The following CMYA5 variants were observed in gnomAD, a reference collection of about 807,000 sequenced individuals.
CMYA5 encodes the protein cardiomyopathy associated 5, also known as cardiomyopathy-associated protein 5.
Under a neutral mutation model 318.9 loss-of-function variants are expected in CMYA5, and 246 were observed. That is an observed-to-expected ratio of 0.77 (90% CI 0.70 to 0.86). The LOEUF is 0.86. CMYA5 is among the 40% of genes least tolerant of loss of function. The pLI is 0.00. For synonymous variants in CMYA5, 1,641 were observed against 1,729.5 expected (o/e 0.95, Z 1.27); for missense variants, 4,589 against 4,678.2 (o/e 0.98, Z 0.56).
chr5:79,693,282 C>T (rs1204917626), intron 1 of CMYA5, among the ~76,000 whole-genome samples: 2 of 151,964 alleles, frequency 1.3e-5, no homozygotes, highest in Admixed American at 6.6e-5. Flanking sequence ...TGTTCTCAAC[C>T]GATCTGATTT....
intron 5 of CMYA5, among the ~76,000 whole-genome samples, chr5:79,752,136 T>C (rs1351866704): frequency 1.3e-5 from 2 of 152,186 alleles, no homozygotes; most frequent in Non-Finnish European, 2.9e-5. Flanking sequence ...ATGATAGGCT[T>C]TATCCTCTCA....
At chr5:79,764,491 C>A (rs185953541) in intron 9 of CMYA5, among the ~76,000 whole-genome samples, 54 of 152,296 alleles carry the variant, frequency 3.5e-4, no homozygotes, top group Admixed American at 1.2e-3. Flanking sequence ...GACTTATAAT[C>A]CTTTGGGTAT....
Position 79,744,447 on chromosome 5 carries a change from G to A in CMYA5, c.10734+525G>A, listed in dbSNP as rs116953391. On this transcript the variant is annotated intron_variant, in intron 3 of 12. Coordinates refer to ENST00000446378, the MANE Select transcript of CMYA5 (RefSeq NM_153610.5). ...TTATCCCTTCTGCAGGGAAGAGAGG[G>A]ACTAGCAATGCTCCATCCTTATACA... Among the ~76,000 whole-genome samples the A allele has an allele frequency of 1.1e-4, 16 of 152,254 alleles. No individual in the cohort carries two copies. In the East Asian group the frequency reaches 2.9e-3, roughly 28 times the overall value.
Position 79,752,690 on chromosome 5 carries a change from T to C in CMYA5, c.11006T>C (p.Met3669Thr), listed in dbSNP as rs761297543. The C allele has an allele frequency of 1.2e-6, 2 of 1,612,880 alleles. No individual in the cohort carries two copies. The highest frequency in any genetic ancestry group is 1.7e-6 in the Non-Finnish European group (2 of 1,179,106). ...EEINERLLSA[M>T]ESTASLEKMP... ...TTCCCCGATAGGTTGCTTTCTGCAA[T>C]GGAGAGCACTGCTTCTTTAGAGAAA... The change falls in exon 6 of 13, where the codon ATG becomes ACG. Residue 3669 changes from methionine (M) to threonine (T), a missense_variant. Coordinates refer to ENST00000446378, the MANE Select transcript of CMYA5 (RefSeq NM_153610.5).
chr5:79,793,414 A>T, intron 11 of CMYA5, 23 bp from the exon 12 acceptor site: 3 of 1,602,730 alleles, frequency 1.9e-6, no homozygotes, highest in Non-Finnish European at 2.6e-6. Flanking sequence ...CACTGAGCAT[A>T]CTCTGATTGA....
chr5:79,690,042 G>A lies in CMYA5; in HGVS notation c.135G>A (p.Glu45=). The change falls in exon 1 of 13, where the codon GAG becomes GAA. Residue 45 remains glutamate, a synonymous_variant. Transcript: ENST00000446378. ...EEDETAAESE[E]EPDSRLSDQD... Reference sequence around the variant, plus strand: ...ACGAGACGGCGGCGGAGTCGGAGGAGGAGCCGGACTCCAGGTAGCGCGAGC... The same window carrying A: ...ACGAGACGGCGGCGGAGTCGGAGGAAGAGCCGGACTCCAGGTAGCGCGAGC... 1 of 1,459,186 alleles carries A rather than the reference G, an allele frequency of 6.9e-7. No homozygotes were observed. Among genetic ancestry groups the A allele is most frequent in the Non-Finnish European group, 9.1e-7 (1 of 1,101,406 alleles). The allele number at this position is 1,459,186 out of a possible 1,614,324, so 90.4% of individuals were successfully genotyped here.
chr5:79,758,862 T>C lies in CMYA5; in HGVS notation c.11220T>C (p.Val3740=), dbSNP rs936948707. The C allele has an allele frequency of 1.2e-6, 2 of 1,602,930 alleles. No individual in the cohort carries two copies. Among genetic ancestry groups the C allele is most frequent in the Admixed American group, 3.4e-5 (2 of 58,378 alleles). Reference sequence around the variant, plus strand: ...AAGATGTCATTGATTCATTTCAGGTTTACTGCATGGAGGAGCCACAAGATG... The same window carrying C: ...AAGATGTCATTGATTCATTTCAGGTCTACTGCATGGAGGAGCCACAAGATG... The part of the protein sequence containing the change: ...NKEDVIDSFQ[V]YCMEEPQDDQ... The change falls in exon 7 of 13, where the codon GTT becomes GTC. Residue 3740 remains valine, a synonymous_variant. Coordinates refer to ENST00000446378, the MANE Select transcript of CMYA5 (RefSeq NM_153610.5).
rs267600708 is a variant in CMYA5, at chr5:79,737,621, G to C, written c.8856G>C (p.Glu2952Asp). 1.1e-5 allele frequency: 17 copies of C among 1,613,514 alleles called. No individual in the cohort carries two copies. Among genetic ancestry groups the C allele is most frequent in the Non-Finnish European group, 1.4e-5 (16 of 1,179,786 alleles). Residue 2952 changes from glutamate to aspartate, a missense_variant, in exon 2 of 13, where the codon GAG (glutamate) becomes GAC (aspartate). Coordinates refer to ENST00000446378, the MANE Select transcript of CMYA5 (RefSeq NM_153610.5). ...TTAGTATCATTTCTGAAGGCTGTGA[G>C]ATATTGAATATTCATGCTCCGGCCT... ...TAFSIISEGC[E>D]ILNIHAPAFI...
Position 79,737,722 on chromosome 5 carries a change from TTAAAACCATACCACTCCC to T in CMYA5, c.8959_8976del (p.Lys2987_Pro2992del), listed in dbSNP as rs1458166040. ...GAATATTTGGAAGAGAAAGCCTCATTTAAAACCATACCACTCCCTGATGATAGTGAAACAGTTGCTTGT... is the reference window on the plus strand; with the variant it reads ...GAATATTTGGAAGAGAAAGCCTCATTTGATGATAGTGAAACAGTTGCTTGT... On this transcript the variant is annotated inframe_deletion, in exon 2 of 13. Coordinates refer to ENST00000446378, the MANE Select transcript of CMYA5 (RefSeq NM_153610.5). 3 of 1,612,384 alleles carry T rather than the reference TTAAAACCATACCACTCCC, an allele frequency of 1.9e-6. No individual in the cohort carries two copies. In the Admixed American group the frequency reaches 5.0e-5, roughly 27 times the overall value.
Position 79,733,605 on chromosome 5 carries a change from G to T in CMYA5, c.4840G>T (p.Ala1614Ser). ...CTTCCCATCAGAAAAACAAGATGTT[G>T]CTTTGGCAGAGCTGTCTTTGGAACC... ...GDFPSEKQDV[A>S]LAELSLEPEK... The change falls in exon 2 of 13, where the codon GCT becomes TCT. Residue 1614 changes from alanine (A) to serine (S), a missense_variant. By Grantham distance (99) the Ala-to-Ser change is moderately conservative. Coordinates refer to ENST00000446378, the MANE Select transcript of CMYA5 (RefSeq NM_153610.5). The T allele has an allele frequency of 6.2e-7, 1 of 1,613,576 alleles. No individual in the cohort carries two copies. The highest frequency in any genetic ancestry group is 1.3e-5 in the African/African-American group (1 of 74,990).
intron 12 of CMYA5, among the ~76,000 whole-genome samples, chr5:79,794,867 C>A (rs1033093085): frequency 6.6e-6 from 1 of 152,084 alleles, no homozygotes; most frequent in Non-Finnish European, 1.5e-5. Flanking sequence ...CTTAAAGTCA[C>A]GTTTCGTCAA....
Position 79,736,534 on chromosome 5 carries a change from A to G in CMYA5, c.7769A>G (p.Lys2590Arg). 2.5e-6 allele frequency: 4 copies of G among 1,613,552 alleles called. No individual in the cohort carries two copies. The highest frequency in any genetic ancestry group is 2.5e-6 in the Non-Finnish European group (3 of 1,179,688). Residue 2590 changes from lysine (K) to arginine (R), a missense_variant, in exon 2 of 13, where the codon AAA becomes AGA. Lys to Arg is a conservative substitution (Grantham distance 26). Transcript: ENST00000446378. ...LGETQSFSLVKATSVTEKSEA... is the reference protein window; with the variant it reads ...LGETQSFSLVRATSVTEKSEA... ...GAAACTCAATCATTTTCATTAGTTA[A>G]AGCTACATCAGTTACTGAAAAATCA...
At chr5:79,717,911 C>T (rs1435190328) in intron 1 of CMYA5, among the ~76,000 whole-genome samples, 3 of 37,024 alleles carry the variant, frequency 8.1e-5, no homozygotes, top group Non-Finnish European at 1.2e-4. Flanking sequence ...TTTTTTGAGA[C>T]GGAGTCTCGC....
chr5:79,734,499 G>C lies in CMYA5; in HGVS notation c.5734G>C (p.Gly1912Arg), dbSNP rs1828004484. Residue 1912 changes from glycine to arginine, a missense_variant, in exon 2 of 13, where the codon GGA becomes CGA. Physicochemically the swap from Gly to Arg is moderately radical, Grantham distance 125. Coordinates refer to ENST00000446378, the MANE Select transcript of CMYA5 (RefSeq NM_153610.5). ...VASQHEQRIA[G>R]SVQLDSSSSN... The stretch of plus-strand genomic sequence containing the variant: ...TAGTCAACACGAACAGAGAATAGCA[G>C]GATCTGTGCAGCTGGATTCCTCTAG... The C allele has an allele frequency of 6.2e-7, 1 of 1,613,592 alleles. No homozygotes were observed. Among genetic ancestry groups the C allele is most frequent in the South Asian group, 1.1e-5 (1 of 91,070 alleles).
At position 79,736,163 on chromosome 5, in the gene CMYA5, C is replaced by A; in HGVS notation, c.7398C>A (p.Thr2466=). 6.2e-7 allele frequency: 1 copy of A among 1,613,674 alleles called. No homozygotes were observed. Among genetic ancestry groups the A allele is most frequent in the African/African-American group, 1.3e-5 (1 of 74,990 alleles). The part of the protein sequence containing the change: ...KKDNLENRSY[T]LAEKKVLAEK... The stretch of plus-strand genomic sequence containing the variant: ...ATAATTTGGAAAACAGATCATATAC[C>A]TTGGCAGAAAAGAAGGTGCTGGCAG... The change falls in exon 2 of 13, where the codon ACC becomes ACA. Residue 2466 remains threonine, a synonymous_variant. Coordinates refer to ENST00000446378, the MANE Select transcript of CMYA5 (RefSeq NM_153610.5).
chr5:79,702,421 T>C (rs1343660083), intron 1 of CMYA5, among the ~76,000 whole-genome samples: 3 of 152,158 alleles, frequency 2.0e-5, no homozygotes, highest in Admixed American at 1.3e-4. Context: ...TGGAATATTA[T>C]TTGGCCATAA....
chr5:79,799,883 C>T lies in CMYA5; in HGVS notation c.*267C>T, dbSNP rs1829344108. On this transcript the variant is annotated 3_prime_UTR_variant, in exon 13 of 13. Coordinates refer to ENST00000446378, the MANE Select transcript of CMYA5 (RefSeq NM_153610.5). ...TCTTTCCTAAATTAAAAGATCTACA[C>T]TTGAGTTGGGAACCGAAAGAGAAAA... 4.1e-6 allele frequency: 1 copy of T among 246,140 alleles called. No individual in the cohort carries two copies. The highest frequency in any genetic ancestry group is 7.4e-5 in the South Asian group (1 of 13,502). 15.2% of individuals were successfully genotyped at this position (246,140 alleles called of 1,614,324 possible). A position where few individuals can be genotyped will look rare whatever the true frequency, so the allele number is the denominator to read the frequency against.
At chr5:79,695,891 C>T (rs1369902828) in intron 1 of CMYA5, among the ~76,000 whole-genome samples, 4 of 152,202 alleles carry the variant, frequency 2.6e-5, no homozygotes, top group Non-Finnish European at 5.9e-5. Context: ...TCCTTTAGTT[C>T]CTGGTTCCAG....
At chr5:79,743,676 A>G (rs975101560) in intron 2 of CMYA5, 151 bp from the exon 3 acceptor site, 1 of 466,614 alleles carries the variant, frequency 2.1e-6, no homozygotes. Context: ...CAGATGAGGC[A>G]GTAAAGAAAA....
Sources: gnomAD v4.1 joint callset for allele counts (sites outside exome capture counted in the v4.1 genomes callset) on GRCh38, gnomAD v4.1.1 for gene constraint, MANE v1.5 for transcripts, NCBI Gene and HGNC (gene_info 2026-07-23, HGNC 2026-07-21) for gene names.